GPC5: variants seen among roughly 807,000 people sequenced by gnomAD.
GPC5 encodes the protein glypican-5.
Under a neutral mutation model 53.9 loss-of-function variants are expected in GPC5, and 47 were observed. That is an observed-to-expected ratio of 0.87 (90% CI 0.69 to 1.11). The LOEUF (loss-of-function observed/expected upper bound fraction) is 1.11. GPC5 is among the 50% of genes most tolerant of loss of function. The pLI is 0.00. For synonymous variants in GPC5, 286 were observed against 263.3 expected, an observed-to-expected ratio of 1.09 and a Z score of -0.84; for missense variants, 748 against 713.1, an observed-to-expected ratio of 1.05 and a Z score of -0.56.
Position 91,995,621 on chromosome 13 carries a change from T to C in GPC5, c.1401+87564T>C, listed in dbSNP as rs138874908. Reference sequence around the variant, plus strand: ...AGCACTCAAAATAATGCCTCGAATATAGTAAACATTCAAAACTATTAGATA... The same window carrying C: ...AGCACTCAAAATAATGCCTCGAATACAGTAAACATTCAAAACTATTAGATA... On this transcript the variant is annotated intron_variant, in intron 6 of 7. Transcript: ENST00000377067. 2.0e-5 allele frequency: 3 copies of C among 152,288 alleles called. No homozygotes were observed. In the East Asian group the frequency reaches 5.8e-4, roughly 29 times the overall value. The allele number at this position is 152,288 out of a possible 1,614,324, so 9.4% of individuals were successfully genotyped here.
At chr13:92,008,094 G>A (rs1386719568) in intron 6 of GPC5, among the ~76,000 whole-genome samples, 2 of 135,128 alleles carry the variant, frequency 1.5e-5, no homozygotes, top group African/African-American at 5.5e-5. Context: ...ACGGAGTCTC[G>A]CTCTGTCGCC....
chr13:91,406,633 C>G (rs1477498625), intron 1 of GPC5, among the ~76,000 whole-genome samples: 1 of 152,202 alleles, frequency 6.6e-6, no homozygotes, highest in Non-Finnish European at 1.5e-5. Flanking sequence ...CTTCAAAGTT[C>G]TCTGACCCAG....
intron 7 of GPC5, among the ~76,000 whole-genome samples, chr13:92,171,622 C>A (rs762636253): frequency 6.6e-6 from 1 of 152,136 alleles, no homozygotes; most frequent in Non-Finnish European, 1.5e-5. Flanking sequence ...CAATGTCAAT[C>A]TTCAGTTTCT....
At chr13:91,883,663 T>A (rs1472964783) in intron 5 of GPC5, among the ~76,000 whole-genome samples, 1 of 152,142 alleles carries the variant, frequency 6.6e-6, no homozygotes, top group African/African-American at 2.4e-5. Flanking sequence ...TATTAATAGA[T>A]GATGGCAGAG....
At chr13:91,980,714 A>G (rs2040349322) in intron 6 of GPC5, among the ~76,000 whole-genome samples, 1 of 152,194 alleles carries the variant, frequency 6.6e-6, no homozygotes, top group African/African-American at 2.4e-5. Flanking sequence ...AAATATATCC[A>G]TCCAAGTAAC....
intron 6 of GPC5, among the ~76,000 whole-genome samples, chr13:92,108,758 T>C (rs759340579): frequency 6.6e-6 from 1 of 152,150 alleles, no homozygotes; most frequent in Non-Finnish European, 1.5e-5. Context: ...CCTCTTGAAC[T>C]TTTTTCTCTC....
At position 91,552,369 on chromosome 13, in the gene GPC5, C is replaced by T. The variant is rs115933224; in HGVS notation, c.325+103447C>T. Among the ~76,000 whole-genome samples, 1,446 of 151,994 alleles carry T rather than the reference C, an allele frequency of 9.5e-3. 24 individuals carry two copies. The highest frequency in any genetic ancestry group is 0.033 in the African/African-American group (1,355 of 41,468). ...TCTAACGTGTAAGGAATTGCCGAGA[C>T]CAGCTCGATCTGGGAGACTCTAACC... is the stretch of plus-strand genomic sequence containing the variant. On this transcript the variant is annotated intron_variant, in intron 2 of 7. Transcript: ENST00000377067.
chr13:91,709,191 C>G (rs952549905), intron 3 of GPC5, among the ~76,000 whole-genome samples: 5 of 152,192 alleles, frequency 3.3e-5, no homozygotes, highest in African/African-American at 4.8e-5. Context: ...GGTTAACTCA[C>G]TTTTTCATGG....
intron 7 of GPC5, among the ~76,000 whole-genome samples, chr13:92,424,171 C>T (rs1030363184): frequency 1.3e-5 from 2 of 151,916 alleles, no homozygotes; most frequent in African/African-American, 4.8e-5. Context: ...ATGAAAATTC[C>T]TCTAGGGTTA....
At chr13:91,872,844 G>C (rs928338295) in intron 5 of GPC5, among the ~76,000 whole-genome samples, 1 of 152,058 alleles carries the variant, frequency 6.6e-6, no homozygotes, top group Non-Finnish European at 1.5e-5. Context: ...ATGATATTTG[G>C]TACTGCAGTG....
intron 7 of GPC5, among the ~76,000 whole-genome samples, chr13:92,672,149 T>C (rs775526550): frequency 2.0e-5 from 3 of 152,114 alleles, no homozygotes; most frequent in Non-Finnish European, 4.4e-5. Context: ...CGAGCTAAAT[T>C]TGACAACAAT....
intron 7 of GPC5, among the ~76,000 whole-genome samples, chr13:92,154,422 C>T (rs2041928883): frequency 6.6e-6 from 1 of 152,156 alleles, no homozygotes; most frequent in South Asian, 2.1e-4. Flanking sequence ...TCCATTACTT[C>T]TTTTGGTTGT....
chr13:91,756,378 C>T lies in GPC5; in HGVS notation c.1238C>T (p.Ala413Val). 1 of 1,593,648 alleles carries T rather than the reference C, an allele frequency of 6.3e-7. No individual in the cohort carries two copies. Among genetic ancestry groups the T allele is most frequent in the South Asian group, 1.1e-5 (1 of 88,822 alleles). Residue 413 changes from alanine (A) to valine (V), a missense_variant, in exon 5 of 8, where the codon GCA becomes GTA. Physicochemically the swap from Ala to Val is moderately conservative, Grantham distance 64 (BLOSUM62 0). Transcript: ENST00000377067. ...DQLCANELAA[A>V]DGLPCWNGED... is the part of the protein sequence containing the mutation. The stretch of plus-strand genomic sequence containing the variant: ...CTTTGTGCTAATGAATTAGCTGCTG[C>T]AGATGGACTTCCCTGCTGGAATGGA...
At chr13:91,626,605 T>C (rs1051708686) in intron 2 of GPC5, among the ~76,000 whole-genome samples, 1 of 152,126 alleles carries the variant, frequency 6.6e-6, no homozygotes, top group African/African-American at 2.4e-5. Context: ...TGAAGTTACA[T>C]TCTAAAATAA....
chr13:91,555,121 C>A (rs1035857073), intron 2 of GPC5, among the ~76,000 whole-genome samples: 19 of 151,962 alleles, frequency 1.3e-4, no homozygotes, highest in Non-Finnish European at 1.8e-4. Flanking sequence ...AATACAGATT[C>A]CATATGCCCT....
At chr13:91,448,643 G>A in intron 1 of GPC5, 118 bp from the exon 2 acceptor site, 2 of 983,374 alleles carry the variant, frequency 2.0e-6, no homozygotes, top group South Asian at 3.9e-5. Flanking sequence ...AAGTACTCTA[G>A]CAAATCCATT....
chr13:92,843,846 T>A (rs1878512053), intron 7 of GPC5, among the ~76,000 whole-genome samples: 1 of 152,106 alleles, frequency 6.6e-6, no homozygotes, highest in East Asian at 1.9e-4. Flanking sequence ...TCTAAAGTAA[T>A]CATCTCTACA....
intron 3 of GPC5, among the ~76,000 whole-genome samples, chr13:91,713,248 G>A (rs2036266991): frequency 1.3e-5 from 2 of 152,010 alleles, no homozygotes; most frequent in African/African-American, 4.8e-5. Flanking sequence ...TATACTACAA[G>A]CAAGCAAGAT....
At chr13:92,163,443 A>ACAG (rs896278492) in intron 7 of GPC5, among the ~76,000 whole-genome samples, 1 of 145,692 alleles carries the variant, frequency 6.9e-6, no homozygotes, top group African/African-American at 2.6e-5. Context: ...CCTGAGTAAC[A>ACAG]CAGTGAGATT....
Sources: gnomAD v4.1 joint callset for allele counts (sites outside exome capture counted in the v4.1 genomes callset) on GRCh38, gnomAD v4.1.1 for gene constraint, MANE v1.5 for transcripts, NCBI Gene and HGNC (gene_info 2026-07-23, HGNC 2026-07-21) for gene names.